The following CSGALNACT2 variants were observed in gnomAD, a reference collection of about 807,000 sequenced individuals.
CSGALNACT2 encodes the protein beta 4 GalNAcT-2.
In CSGALNACT2, 35 loss-of-function variants were observed where a neutral mutation model predicts 55.3. The observed-to-expected ratio is 0.63, with a 90% CI of 0.48 to 0.84. The LOEUF (loss-of-function observed/expected upper bound fraction) is 0.84, where lower values mean the gene tolerates loss of function less well. CSGALNACT2 is among the 40% of genes least tolerant of loss of function. The probability of loss-of-function intolerance (pLI) is 0.00; values close to 1 mark genes in which losing one functional copy is unlikely to be tolerated. For missense variants in CSGALNACT2, 544 were observed against 657.5 expected (o/e 0.83, Z 1.89); for synonymous variants, 196 against 224.9 (o/e 0.87, Z 1.15).
intron 6 of CSGALNACT2, among the ~76,000 whole-genome samples, chr10:43,168,397 G>A (rs796289535): frequency 3.3e-4 from 50 of 152,166 alleles, no homozygotes; most frequent in Middle Eastern, 3.4e-3. Flanking sequence ...GTTGCAATGA[G>A]CCAATATCAC....
Position 43,164,026 on chromosome 10 carries a change from C to T in CSGALNACT2, c.1141C>T (p.Arg381Trp), listed in dbSNP as rs776534921. The change falls in exon 5 of 8, where the codon CGG (arginine) becomes TGG (tryptophan). Residue 381 changes from arginine to tryptophan, a missense_variant. Coordinates refer to ENST00000374466, the MANE Select transcript of CSGALNACT2 (RefSeq NM_018590.5). ...CTCAGCCGAATTCCTTAACAGCTGCCGGTTAAATGCTGAGCCAGGTGCGTA... is the reference window on the plus strand; with the variant it reads ...CTCAGCCGAATTCCTTAACAGCTGCTGGTTAAATGCTGAGCCAGGTGCGTA... The part of the protein sequence containing the change: ...YFSAEFLNSC[R>W]LNAEPGKKVF... 1.4e-5 allele frequency: 23 copies of T among 1,612,620 alleles called. No homozygotes were observed. The highest frequency in any genetic ancestry group is 2.2e-5 in the South Asian group (2 of 90,914).
chr10:43,179,516 T>C (rs1254747353), intron 7 of CSGALNACT2, among the ~76,000 whole-genome samples: 1 of 152,152 alleles, frequency 6.6e-6, no homozygotes, highest in Non-Finnish European at 1.5e-5. Context: ...GCCTGTGCAG[T>C]TATCCTAGGA....
intron 5 of CSGALNACT2, 96 bp from the exon 6 acceptor site, chr10:43,166,908 T>C: frequency 3.2e-6 from 2 of 631,256 alleles, no homozygotes; most frequent in Non-Finnish European, 5.5e-6. Context: ...TAAAATCATG[T>C]ATAATAAGAC....
At chr10:43,142,747 T>C (rs1412355388) in intron 1 of CSGALNACT2, among the ~76,000 whole-genome samples, 1 of 152,224 alleles carries the variant, frequency 6.6e-6, no homozygotes, top group African/African-American at 2.4e-5. Context: ...ATAGGAATTT[T>C]GCTAATGATA....
At chr10:43,156,066 G>A (rs897435282) in intron 2 of CSGALNACT2, among the ~76,000 whole-genome samples, 1 of 152,142 alleles carries the variant, frequency 6.6e-6, no homozygotes, top group African/African-American at 2.4e-5. Flanking sequence ...AAGGACTAGG[G>A]AAATAGAATA....
chr10:43,162,231 C>T (rs756092756), intron 4 of CSGALNACT2: 1 of 522,060 alleles, frequency 1.9e-6, no homozygotes, highest in Non-Finnish European at 3.8e-6. Context: ...AGGGATATGA[C>T]TGTTGGCGGC....
intron 6 of CSGALNACT2, among the ~76,000 whole-genome samples, chr10:43,169,268 A>G (rs965140397): frequency 5.9e-5 from 9 of 152,260 alleles, no homozygotes; most frequent in African/African-American, 1.9e-4. Context: ...ACTTGAAACA[A>G]AAGTGAGTAG....
At chr10:43,175,520 T>G (rs1839461651) in intron 6 of CSGALNACT2, among the ~76,000 whole-genome samples, 1 of 152,112 alleles carries the variant, frequency 6.6e-6, no homozygotes, top group Admixed American at 6.5e-5. Context: ...CCACTCCGAA[T>G]CTACTGGTGA....
intron 3 of CSGALNACT2, among the ~76,000 whole-genome samples, chr10:43,159,252 G>A (rs1046571545): frequency 7.9e-5 from 12 of 152,044 alleles, no homozygotes; most frequent in African/African-American, 2.7e-4. Flanking sequence ...TTTACATGCA[G>A]TAAAATCCAC....
chr10:43,140,518 C>T (rs1022916840), intron 1 of CSGALNACT2, among the ~76,000 whole-genome samples: 2 of 152,200 alleles, frequency 1.3e-5, no homozygotes, highest in Non-Finnish European at 2.9e-5. Flanking sequence ...TTATGACTGT[C>T]TTCTGTCGGA....
At chr10:43,183,130 G>A in intron 7 of CSGALNACT2, 120 bp from the exon 8 acceptor site, 1 of 773,850 alleles carries the variant, frequency 1.3e-6, no homozygotes, top group South Asian at 1.7e-5. Context: ...GGTGTCTCGT[G>A]CTACCTTTTT....
At chr10:43,174,485 TC>T (rs1839442022) in intron 6 of CSGALNACT2, among the ~76,000 whole-genome samples, 1 of 152,184 alleles carries the variant, frequency 6.6e-6, no homozygotes, top group Non-Finnish European at 1.5e-5. Context: ...GGCTGGCCCT[TC>T]CCCTGGGCTT....
At chr10:43,163,180 T>C (rs1353589228) in intron 4 of CSGALNACT2, 1 of 985,196 alleles carries the variant, frequency 1.0e-6, no homozygotes, top group East Asian at 1.1e-4. Flanking sequence ...TAACTCACGT[T>C]CCACTTCTAA....
Position 43,155,003 on chromosome 10 carries a change from C to T in CSGALNACT2, c.-147C>T, listed in dbSNP as rs528665772. The stretch of plus-strand genomic sequence containing the variant: ...ATAATTTCCCATTTCTGCAAGTAGT[C>T]ATGACTGCTGAAGAAAGAAAAACTT... On this transcript the variant is annotated 5_prime_UTR_variant, in exon 2 of 8. Coordinates refer to ENST00000374466, the MANE Select transcript of CSGALNACT2 (RefSeq NM_018590.5). The T allele has an allele frequency of 1.3e-4, 85 of 658,816 alleles. 1 individual carries two copies. The highest frequency in any genetic ancestry group is 5.7e-4 in the Admixed American group (19 of 33,358). The allele number at this position is 658,816 out of a possible 1,614,324, so 40.8% of individuals were successfully genotyped here.
chr10:43,160,650 A>T, intron 4 of CSGALNACT2, 55 bp downstream of exon 4: 1 of 794,720 alleles, frequency 1.3e-6, no homozygotes, highest in South Asian at 1.4e-5. Flanking sequence ...GCTAAAAGAG[A>T]ATTTCAGATA....
At position 43,184,828 on chromosome 10, in the gene CSGALNACT2, A is replaced by G. The variant is rs990409270; in HGVS notation, c.*1286A>G. Reference sequence around the variant, plus strand: ...TTTTTAACCCTTTTAAAAGAGACCTATGTTGAAAACCCCTGAAAATTCACT... The same window carrying G: ...TTTTTAACCCTTTTAAAAGAGACCTGTGTTGAAAACCCCTGAAAATTCACT... On this transcript the variant is annotated 3_prime_UTR_variant, in exon 8 of 8. Transcript: ENST00000374466. 9.8e-5 allele frequency: 15 copies of G among 152,330 alleles called. No individual in the cohort carries two copies. Among genetic ancestry groups the G allele is most frequent in the East Asian group, 3.9e-4 (2 of 5,194 alleles). 9.4% of individuals were successfully genotyped at this position (152,330 alleles called of 1,614,324 possible).
intron 1 of CSGALNACT2, among the ~76,000 whole-genome samples, chr10:43,142,184 T>A (rs970732708): frequency 6.6e-5 from 10 of 152,162 alleles, no homozygotes; most frequent in African/African-American, 1.7e-4. Context: ...TTATTTTTTT[T>A]ATTTTGTATT....
At chr10:43,159,104 G>A (rs933502343) in intron 3 of CSGALNACT2, among the ~76,000 whole-genome samples, 173 bp downstream of exon 3, 4 of 151,866 alleles carry the variant, frequency 2.6e-5, no homozygotes, top group African/African-American at 9.7e-5. Context: ...GTAGTATATT[G>A]TGTTATAGAC....
intron 6 of CSGALNACT2, among the ~76,000 whole-genome samples, chr10:43,175,436 TAGTG>T (rs771049302): frequency 2.0e-5 from 3 of 152,100 alleles, no homozygotes; most frequent in Non-Finnish European, 4.4e-5. Flanking sequence ...AAATACCTAT[TAGTG>T]AGCCAGTAAG....
Sources: allele counts gnomAD v4.1 joint callset (sites outside exome capture counted in the v4.1 genomes callset), GRCh38; gene constraint gnomAD v4.1.1; transcripts MANE v1.5; gene names NCBI Gene and HGNC (gene_info 2026-07-23, HGNC 2026-07-21).